Variants in MUC7 observed in about 807,000 individuals in gnomAD.
The protein encoded by MUC7 is mucin 7, secreted.
A neutral mutation model predicts 2.5 loss-of-function variants in MUC7; 2 were observed. The observed-to-expected ratio is 0.81, with a 90% confidence interval of 0.33 to 2.55. The LOEUF (loss-of-function observed/expected upper bound fraction) is 2.55. Ranked by LOEUF, MUC7 falls within the 30% of genes most tolerant of loss-of-function variation. MUC7 has a pLI of 0.11. For missense variants in MUC7, 408 were observed against 455.6 expected (o/e 0.90, Z 0.95); for synonymous variants, 133 against 173.4 (o/e 0.77, Z 1.83).
chr4:70,448,521 A>G (rs1734197949), intron 1 of MUC7, among the ~76,000 whole-genome samples: 1 of 152,232 alleles, frequency 6.6e-6, no homozygotes, highest in African/African-American at 2.4e-5. Flanking sequence ...TCTGAAGATC[A>G]GTGATGTTGA....
chr4:70,470,956 T>G (rs1347869436), upstream of MUC7, among the ~76,000 whole-genome samples: 2 of 152,190 alleles, frequency 1.3e-5, no homozygotes, highest in Non-Finnish European at 2.9e-5. Context: ...ATGTCACACC[T>G]AATTAGCAGA....
At chr4:70,453,563 C>T (rs955800335) in intron 1 of MUC7, among the ~76,000 whole-genome samples, 8 of 152,178 alleles carry the variant, frequency 5.3e-5, no homozygotes, top group Non-Finnish European at 1.0e-4. Context: ...AAATACTGTC[C>T]AAAATGTAAG....
At chr4:70,442,778 C>G (rs985376885) in intron 1 of MUC7, among the ~76,000 whole-genome samples, 1 of 152,162 alleles carries the variant, frequency 6.6e-6, no homozygotes, top group Admixed American at 6.5e-5. Flanking sequence ...TTTCATTTTT[C>G]TTTTTGCAGT....
At chr4:70,475,474 C>A in intron 2 of MUC7, among the ~76,000 whole-genome samples, 1 of 151,864 alleles carries the variant, frequency 6.6e-6, no homozygotes, top group African/African-American at 2.4e-5. Context: ...AACATTTTCA[C>A]CTAGGGAGAA....
At chr4:70,434,707 C>A (rs930314712) in intron 1 of MUC7, among the ~76,000 whole-genome samples, 1 of 151,962 alleles carries the variant, frequency 6.6e-6, no homozygotes, top group African/African-American at 2.4e-5. Context: ...GTGTCTCTAC[C>A]CCCTTCAGTT....
At chr4:70,457,182 C>T (rs992218508) in intron 1 of MUC7, among the ~76,000 whole-genome samples, 2 of 152,086 alleles carry the variant, frequency 1.3e-5, no homozygotes, top group East Asian at 1.9e-4. Flanking sequence ...GTGGCTCATA[C>T]CTGTCATCCC....
At chr4:70,457,616 A>G (rs1003865300) in intron 1 of MUC7, among the ~76,000 whole-genome samples, 1 of 152,186 alleles carries the variant, frequency 6.6e-6, no homozygotes, top group Non-Finnish European at 1.5e-5. Context: ...ACCCAAATAA[A>G]AAATTTAGCA....
intron 1 of MUC7, among the ~76,000 whole-genome samples, chr4:70,434,659 C>T (rs944423821): frequency 2.0e-5 from 3 of 152,082 alleles, no homozygotes; most frequent in African/African-American, 4.8e-5. Context: ...TTTCAAAATA[C>T]CAGCTCCTGG....
chr4:70,450,984 T>G (rs958553166), intron 1 of MUC7, among the ~76,000 whole-genome samples: 1 of 80,458 alleles, frequency 1.2e-5, no homozygotes, highest in Non-Finnish European at 2.7e-5. Flanking sequence ...GCCCCCCCAG[T>G]CCACTGTCTC....
chr4:70,458,200 C>T (rs1223055805), intron 1 of MUC7, among the ~76,000 whole-genome samples: 1 of 151,448 alleles, frequency 6.6e-6, no homozygotes, highest in Non-Finnish European at 1.5e-5. Context: ...CATGTCCACA[C>T]TGATTGGAAA....
chr4:70,462,970 A>G (rs1734594847), intron 1 of MUC7, among the ~76,000 whole-genome samples: 1 of 132,260 alleles, frequency 7.6e-6, no homozygotes, highest in Non-Finnish European at 1.5e-5. Context: ...TGTCTCTAAA[A>G]ATGAATGAAT....
At chr4:70,453,093 A>G (rs1580578) in intron 1 of MUC7, among the ~76,000 whole-genome samples, 122,369 of 151,658 alleles carry the variant, frequency 0.81, 49,836 homozygotes, top group Middle Eastern at 0.88. Flanking sequence ...ACAGCACTGG[A>G]TCTCATGCCA....
intron 1 of MUC7, among the ~76,000 whole-genome samples, chr4:70,432,459 T>A (rs1274834521): frequency 6.6e-6 from 1 of 152,242 alleles, no homozygotes; most frequent in African/African-American, 2.4e-5. Flanking sequence ...TGAGATGGTA[T>A]CTGGTTGTGG....
chr4:70,465,925 C>A (rs1461032936), intron 1 of MUC7, among the ~76,000 whole-genome samples: 1 of 152,148 alleles, frequency 6.6e-6, no homozygotes, highest in Non-Finnish European at 1.5e-5. Flanking sequence ...TTGAGAAGAA[C>A]AACCCCAAGA....
upstream of MUC7, among the ~76,000 whole-genome samples, chr4:70,470,066 A>C (rs372602220): frequency 4.6e-5 from 7 of 152,190 alleles, no homozygotes; most frequent in East Asian, 7.7e-4. Flanking sequence ...ACCATGGAAT[A>C]CTATGCAGCC....
At chr4:70,475,174 G>A in intron 2 of MUC7, among the ~76,000 whole-genome samples, 1 of 152,058 alleles carries the variant, frequency 6.6e-6, no homozygotes, top group South Asian at 2.1e-4. Context: ...AGCTACTCAG[G>A]AGGCTGAGAC....
chr4:70,465,645 T>C (rs1734665007), intron 1 of MUC7, among the ~76,000 whole-genome samples: 1 of 151,846 alleles, frequency 6.6e-6, no homozygotes, highest in South Asian at 2.1e-4. Flanking sequence ...AGAAAGGATA[T>C]CAGAGATTGA....
At chr4:70,452,378 G>A (rs548545144) in intron 1 of MUC7, among the ~76,000 whole-genome samples, 10 of 151,912 alleles carry the variant, frequency 6.6e-5, no homozygotes, top group Admixed American at 1.3e-4. Context: ...TTTCACTGGT[G>A]GTATGTTTTC....
upstream of MUC7, among the ~76,000 whole-genome samples, chr4:70,469,301 A>G (rs1166655024): frequency 1.3e-5 from 2 of 152,184 alleles, no homozygotes; most frequent in Admixed American, 1.3e-4. Flanking sequence ...AACCATAAAA[A>G]CCCTAGAAGA....
Sources: gnomAD v4.1 joint callset for allele counts (sites outside exome capture counted in the v4.1 genomes callset) on GRCh38, gnomAD v4.1.1 for gene constraint, MANE v1.5 for transcripts, NCBI Gene and HGNC (gene_info 2026-07-23, HGNC 2026-07-21) for gene names.